Variants in PTPN14 observed in about 807,000 individuals in gnomAD.
PTPN14 encodes the protein protein tyrosine phosphatase non-receptor type 14, also known as tyrosine-protein phosphatase non-receptor type 14.
In PTPN14, 53 loss-of-function variants were observed where a neutral mutation model predicts 126.8. The ratio of observed to expected loss-of-function variants is 0.42; its 90% CI spans 0.34 to 0.53. PTPN14 has a LOEUF of 0.53. PTPN14 is among the 20% of genes least tolerant of loss of function. PTPN14 has a pLI of 0.08. For missense variants in PTPN14, 1,257 were observed against 1,552.9 expected, an observed-to-expected ratio of 0.81 and a Z score of 3.20; for synonymous variants, 630 against 599.3, an observed-to-expected ratio of 1.05 and a Z score of -0.75.
chr1:214,502,159 T>C (rs567820055), intron 1 of PTPN14, among the ~76,000 whole-genome samples: 2 of 152,138 alleles, frequency 1.3e-5, no homozygotes, highest in East Asian at 3.9e-4. Flanking sequence ...AGAACTGAAT[T>C]TGGGAGCTCT....
chr1:214,427,830 A>T (rs1659702600), intron 3 of PTPN14, among the ~76,000 whole-genome samples: 1 of 152,174 alleles, frequency 6.6e-6, no homozygotes. Flanking sequence ...TGGGGGATGG[A>T]GGTTTTCACT....
In PTPN14 at chr1:214,551,585, C is replaced by G. The variant is rs937497629; in HGVS notation, c.-557G>C. The G allele has an allele frequency of 1.3e-5, 2 of 152,284 alleles. No individual in the cohort carries two copies. The highest frequency in any genetic ancestry group is 1.9e-4 in the East Asian group (1 of 5,142). 9.4% of individuals were successfully genotyped at this position (152,284 alleles called of 1,614,324 possible). A position where few individuals can be genotyped will look rare whatever the true frequency, so the allele number is the denominator to read the frequency against. ...TCTGCGCCCGCTGCGCTCACTCCGCCGAGAAAAAGTTGGAAAGAACTTTGA... is the reference window on the plus strand; with the variant it reads ...TCTGCGCCCGCTGCGCTCACTCCGCGGAGAAAAAGTTGGAAAGAACTTTGA... On this transcript the variant is annotated 5_prime_UTR_variant, in exon 1 of 19. Coordinates refer to ENST00000366956, the MANE Select transcript of PTPN14 (RefSeq NM_005401.5).
chr1:214,550,056 T>G (rs941397849), intron 1 of PTPN14, among the ~76,000 whole-genome samples: 5 of 152,152 alleles, frequency 3.3e-5, no homozygotes, highest in Admixed American at 2.0e-4. Flanking sequence ...ATCCTCTAAG[T>G]GTAGTGCACC....
At chr1:214,492,744 T>A (rs537594694) in intron 1 of PTPN14, among the ~76,000 whole-genome samples, 1 of 151,938 alleles carries the variant, frequency 6.6e-6, no homozygotes, top group South Asian at 2.1e-4. Flanking sequence ...CCCGTCTCGA[T>A]TAAAGATACA....
intron 3 of PTPN14, among the ~76,000 whole-genome samples, chr1:214,418,025 T>A (rs1659463587): frequency 6.6e-6 from 1 of 152,202 alleles, no homozygotes; most frequent in Non-Finnish European, 1.5e-5. Flanking sequence ...GTCTGCTGCC[T>A]TCCCAACAGG....
intron 3 of PTPN14, among the ~76,000 whole-genome samples, chr1:214,450,616 C>T (rs1660253714): frequency 6.6e-6 from 1 of 152,122 alleles, no homozygotes; most frequent in African/African-American, 2.4e-5. Flanking sequence ...AATACTCTTC[C>T]TTCTTCAAAG....
intron 6 of PTPN14, among the ~76,000 whole-genome samples, chr1:214,402,009 G>C (rs983849553): frequency 6.6e-6 from 1 of 151,932 alleles, no homozygotes; most frequent in Admixed American, 6.6e-5. Flanking sequence ...AAGAGCCACA[G>C]CCCTGTAAAC....
intron 2 of PTPN14, among the ~76,000 whole-genome samples, chr1:214,457,951 GA>G (rs1282588757): frequency 6.6e-6 from 1 of 152,058 alleles, no homozygotes; most frequent in African/African-American, 2.4e-5. Flanking sequence ...TCGAGGAACT[GA>G]AAGACTTTGC....
At chr1:214,470,983 C>G (rs1660741689) in intron 1 of PTPN14, among the ~76,000 whole-genome samples, 1 of 148,656 alleles carries the variant, frequency 6.7e-6, no homozygotes, top group Admixed American at 6.7e-5. Context: ...CAAGATCACA[C>G]CACGGCACTC....
chr1:214,398,596 A>G (rs926050046), intron 7 of PTPN14, among the ~76,000 whole-genome samples: 1 of 136,584 alleles, frequency 7.3e-6, no homozygotes, highest in Non-Finnish European at 1.5e-5. Flanking sequence ...ACAAGCATGC[A>G]CCACCATGCC....
intron 1 of PTPN14, among the ~76,000 whole-genome samples, chr1:214,550,397 G>A (rs989461771): frequency 1.3e-5 from 2 of 152,174 alleles, no homozygotes; most frequent in Non-Finnish European, 2.9e-5. Context: ...ATTGTAGGTG[G>A]GGATGAGAAG....
chr1:214,533,706 G>A (rs1217203920), intron 1 of PTPN14, among the ~76,000 whole-genome samples: 5 of 151,836 alleles, frequency 3.3e-5, no homozygotes, highest in East Asian at 1.9e-4. Context: ...GCGTGGTGGC[G>A]GGCGCCTGTA....
At chr1:214,373,820 C>T (rs1032771977) in intron 15 of PTPN14, among the ~76,000 whole-genome samples, 6 of 152,122 alleles carry the variant, frequency 3.9e-5, no homozygotes, top group East Asian at 1.9e-4. Context: ...GTGCCATGCA[C>T]GGCAGAGATG....
intron 1 of PTPN14, among the ~76,000 whole-genome samples, chr1:214,479,182 A>G (rs1212358517): frequency 6.6e-6 from 1 of 152,046 alleles, no homozygotes; most frequent in Non-Finnish European, 1.5e-5. Context: ...CCACATCTCT[A>G]CAAAAAATTT....
At chr1:214,514,200 G>A (rs1276473177) in intron 1 of PTPN14, among the ~76,000 whole-genome samples, 3 of 152,204 alleles carry the variant, frequency 2.0e-5, no homozygotes, top group African/African-American at 7.2e-5. Context: ...ACCTCAGGGG[G>A]CAAAATTAAC....
chr1:214,372,932 T>C, intron 15 of PTPN14, 93 bp from the exon 16 acceptor site: 1 of 1,524,008 alleles, frequency 6.6e-7, no homozygotes, highest in Admixed American at 2.0e-5. Flanking sequence ...CTTAAAACCT[T>C]GGATATATTT....
intron 1 of PTPN14, among the ~76,000 whole-genome samples, chr1:214,545,953 C>T (rs12748187): frequency 0.58 from 88,010 of 151,796 alleles, 26,650 homozygotes; most frequent in Non-Finnish European, 0.64. Context: ...GGAGATCCAG[C>T]AACATGGAAA....
At chr1:214,435,005 T>G (rs1330973125) in intron 3 of PTPN14, among the ~76,000 whole-genome samples, 1 of 152,226 alleles carries the variant, frequency 6.6e-6, no homozygotes, top group African/African-American at 2.4e-5. Flanking sequence ...ATCTGTACAA[T>G]GCCCATGTGA....
intron 3 of PTPN14, among the ~76,000 whole-genome samples, chr1:214,428,144 G>C (rs1045516236): frequency 6.6e-6 from 1 of 152,120 alleles, no homozygotes; most frequent in Non-Finnish European, 1.5e-5. Context: ...GGGTGGAAGC[G>C]GAAATGCCAG....
Sources: gnomAD v4.1 joint callset for allele counts (sites outside exome capture counted in the v4.1 genomes callset) on GRCh38, gnomAD v4.1.1 for gene constraint, MANE v1.5 for transcripts, NCBI Gene and HGNC (gene_info 2026-07-23, HGNC 2026-07-21) for gene names.